The following HELZ variants were observed in gnomAD, a reference collection of about 807,000 sequenced individuals.
The protein encoded by HELZ is helicase with zinc finger.
In HELZ, 23 loss-of-function variants were observed where a neutral mutation model predicts 218.2. The ratio of observed to expected loss-of-function variants is 0.11; its 90% CI spans 0.08 to 0.15. HELZ has a LOEUF of 0.15. HELZ is among the 10% of genes least tolerant of loss of function. The pLI is 1.00. For synonymous variants in HELZ, 814 were observed against 829.4 expected (o/e 0.98, Z 0.32); for missense variants, 1,813 against 2,353.7 (o/e 0.77, Z 4.75).
chr17:67,150,240 C>T (rs1355523353), intron 18 of HELZ: 6 of 266,524 alleles, frequency 2.3e-5, no homozygotes, highest in South Asian at 5.8e-5. Flanking sequence ...GGTGATCCTC[C>T]AACCTCAGCC....
At chr17:67,192,061 G>C (rs968954877) in intron 9 of HELZ, among the ~76,000 whole-genome samples, 1 of 151,792 alleles carries the variant, frequency 6.6e-6, no homozygotes, top group African/African-American at 2.4e-5. Flanking sequence ...AAATTAGCCG[G>C]GGTGGTGGCA....
intron 21 of HELZ, among the ~76,000 whole-genome samples, chr17:67,143,641 TG>T (rs1275873730): frequency 9.2e-5 from 14 of 152,068 alleles, no homozygotes; most frequent in Non-Finnish European, 2.1e-4. Flanking sequence ...AACATATCTT[TG>T]GTGCTTAGTA....
At chr17:67,220,036 C>T (rs1016091666) in intron 3 of HELZ, among the ~76,000 whole-genome samples, 1 of 152,202 alleles carries the variant, frequency 6.6e-6, no homozygotes, top group African/African-American at 2.4e-5. Context: ...CTGCATCCAC[C>T]TTCTCTCTCT....
chr17:67,193,359 A>G (rs192085485), intron 9 of HELZ, among the ~76,000 whole-genome samples: 24 of 151,686 alleles, frequency 1.6e-4, no homozygotes, highest in South Asian at 1.5e-3. Flanking sequence ...AAAAAAAAAA[A>G]AAAAGAAAAG....
In HELZ at chr17:67,108,805, T is replaced by C. The variant is rs1215040259; in HGVS notation, c.4490-79A>G. The C allele has an allele frequency of 1.8e-6, 2 of 1,120,696 alleles. No homozygotes were observed. The highest frequency in any genetic ancestry group is 2.5e-6 in the Non-Finnish European group (2 of 794,240). 69.4% of individuals were successfully genotyped at this position (1,120,696 alleles called of 1,614,324 possible). ...ATTTAAAGTTTTTTACTAACATATTTTCTCCACAAAGACAAAGGACGTAGC... is the reference window on the plus strand; with the variant it reads ...ATTTAAAGTTTTTTACTAACATATTCTCTCCACAAAGACAAAGGACGTAGC... On this transcript the variant is annotated intron_variant, in intron 29 of 32. Transcript: ENST00000358691. This position sits in a 1 kb window ranked among gnomAD's most constrained non-coding sequence, Gnocchi z 4.1.
intron 27 of HELZ, among the ~76,000 whole-genome samples, chr17:67,117,688 TAC>T (rs2037469974): frequency 6.6e-6 from 1 of 151,984 alleles, no homozygotes; most frequent in Admixed American, 6.6e-5. Context: ...TACCTGGGAT[TAC>T]AGGCATGTGC....
intron 31 of HELZ, among the ~76,000 whole-genome samples, chr17:67,094,388 TGAGA>T (rs71139117): frequency 0.29 from 43,036 of 145,962 alleles, 8,602 homozygotes; most frequent in African/African-American, 0.57. Context: ...GCAGGTTTGG[TGAGA>T]GAGAGAGAGA....
At chr17:67,196,425 T>A (rs1567882257) in intron 7 of HELZ, among the ~76,000 whole-genome samples, 2 of 152,264 alleles carry the variant, frequency 1.3e-5, no homozygotes, top group African/African-American at 2.4e-5. Flanking sequence ...TAGATCGTTA[T>A]CAGCGATATA....
chr17:67,190,066 G>A (rs2039853756), intron 10 of HELZ, 91 bp downstream of exon 10: 2 of 1,073,536 alleles, frequency 1.9e-6, no homozygotes, highest in Non-Finnish European at 2.8e-6. Flanking sequence ...AAGAAGATAA[G>A]GAAATAAACC....
intron 3 of HELZ, among the ~76,000 whole-genome samples, chr17:67,234,570 C>G (rs79689906): frequency 4.6e-5 from 7 of 151,844 alleles, no homozygotes; most frequent in Non-Finnish European, 8.8e-5. Flanking sequence ...CAAGGCCAAG[C>G]GTGGTGGCTC....
intron 2 of HELZ, among the ~76,000 whole-genome samples, chr17:67,242,751 A>G (rs1291343343): frequency 2.0e-5 from 3 of 151,928 alleles, no homozygotes; most frequent in Non-Finnish European, 2.9e-5. Flanking sequence ...CAGTATGTGC[A>G]CTTACAAAAG....
chr17:67,177,909 T>A (rs1307801881), intron 13 of HELZ, among the ~76,000 whole-genome samples: 1 of 152,144 alleles, frequency 6.6e-6, no homozygotes, highest in Middle Eastern at 3.2e-3. Flanking sequence ...CCATAAGGCA[T>A]CCTGGAGAAG....
At chr17:67,147,646 T>A (rs78229796) in intron 20 of HELZ, among the ~76,000 whole-genome samples, 1 of 138,664 alleles carries the variant, frequency 7.2e-6, no homozygotes, top group African/African-American at 2.6e-5. Flanking sequence ...CCCTGCTAAT[T>A]TTTTTTTTTT....
intron 23 of HELZ, among the ~76,000 whole-genome samples, chr17:67,133,286 T>C (rs1421460941): frequency 6.6e-6 from 1 of 152,194 alleles, no homozygotes; most frequent in Non-Finnish European, 1.5e-5. Flanking sequence ...AAGTTAAAAA[T>C]TAGCCCTGGA....
intron 5 of HELZ, 21 bp from the exon 6 acceptor site, chr17:67,203,464 T>G: frequency 6.2e-7 from 1 of 1,611,790 alleles, no homozygotes; most frequent in East Asian, 2.2e-5. Context: ...AGAACAGCCA[T>G]CATTAACCAT....
intron 28 of HELZ, among the ~76,000 whole-genome samples, chr17:67,112,555 C>T (rs1350887713): frequency 2.6e-5 from 4 of 152,226 alleles, no homozygotes; most frequent in African/African-American, 7.2e-5. Context: ...ACTGCAGCCC[C>T]TCCAGTGGGT....
At chr17:67,136,297 C>T in intron 22 of HELZ, 99 bp from the exon 23 acceptor site, 1 of 779,896 alleles carries the variant, frequency 1.3e-6, no homozygotes, top group Non-Finnish European at 2.0e-6. Flanking sequence ...TGCTAAATAA[C>T]AAACATTGGC....
intron 3 of HELZ, among the ~76,000 whole-genome samples, chr17:67,227,068 G>A (rs1352528778): frequency 6.6e-6 from 1 of 152,066 alleles, no homozygotes; most frequent in Non-Finnish European, 1.5e-5. Flanking sequence ...TGTGGTGATG[G>A]CTGCACAAAC....
rs2039530935 is a variant in HELZ at position 67,178,886 on chromosome 17, G to C, written c.1203C>G (p.Thr401=). The change falls in exon 13 of 33, where the codon ACC becomes ACG. Residue 401 remains threonine, a synonymous_variant. Transcript: ENST00000358691. The stretch of plus-strand genomic sequence containing the variant: ...AGGAAGAATCCCAACGTTTAGCTGT[G>C]GTTACTAGCTGCTGTTTTGCATGCA... The part of the protein sequence containing the change: ...YLMHAKQQLV[T]TAKRWDSSSK... 6.2e-7 allele frequency: 1 copy of C among 1,609,748 alleles called. No individual in the cohort carries two copies. The highest frequency in any genetic ancestry group is 8.5e-7 in the Non-Finnish European group (1 of 1,176,714).
Sources: allele counts gnomAD v4.1 joint callset (sites outside exome capture counted in the v4.1 genomes callset), GRCh38; gene constraint gnomAD v4.1.1; non-coding constraint Gnocchi (gnomAD v3.1); transcripts MANE v1.5; gene names NCBI Gene and HGNC (gene_info 2026-07-23, HGNC 2026-07-21).